The following UQCRC2 variants were observed in gnomAD, a reference collection of about 807,000 sequenced individuals.
UQCRC2 encodes the protein ubiquinol-cytochrome c reductase core protein 2.
In UQCRC2, 49 loss-of-function variants were observed where a neutral mutation model predicts 55.6. The ratio of observed to expected loss-of-function variants is 0.88; its 90% CI spans 0.70 to 1.12. UQCRC2 has a LOEUF of 1.12. Among genes scored for constraint, UQCRC2 ranks in the 50% most tolerant of loss-of-function variants. UQCRC2 has a pLI of 0.00. For synonymous variants in UQCRC2, 193 were observed against 192.0 expected (o/e 1.01, Z -0.04); for missense variants, 506 against 547.8 (o/e 0.92, Z 0.76).
chr16:21,983,273 C>A lies in UQCRC2; in HGVS notation c.*102C>A. ...TCTAATATATCATTTGTCTTTTTTCCAGTGAGGTAAAATAAGGCATAAATG... is the reference window on the plus strand; with the variant it reads ...TCTAATATATCATTTGTCTTTTTTCAAGTGAGGTAAAATAAGGCATAAATG... On this transcript the variant is annotated 3_prime_UTR_variant, in exon 14 of 14. Transcript: ENST00000268379. The A allele has an allele frequency of 9.4e-7, 1 of 1,060,052 alleles. No individual in the cohort carries two copies. Among genetic ancestry groups the A allele is most frequent in the Non-Finnish European group, 1.4e-6 (1 of 729,414 alleles). 65.7% of individuals were successfully genotyped at this position (1,060,052 alleles called of 1,614,324 possible). A position where few individuals can be genotyped will look rare whatever the true frequency, so the allele number is the denominator to read the frequency against.
intron 7 of UQCRC2, among the ~76,000 whole-genome samples, chr16:21,966,427 C>T (rs570151705): frequency 6.6e-6 from 1 of 151,496 alleles, no homozygotes; most frequent in Admixed American, 6.6e-5. Flanking sequence ...TAGATATGTG[C>T]GTATAATCTT....
rs989576306 is a variant in UQCRC2 at position 21,983,626 on chromosome 16, T to C, written c.*455T>C. 1 of 172,562 alleles carries C rather than the reference T, an allele frequency of 5.8e-6. No individual in the cohort carries two copies. The highest frequency in any genetic ancestry group is 1.2e-5 in the Non-Finnish European group (1 of 82,390). The allele number at this position is 172,562 out of a possible 1,614,324, so 10.7% of individuals were successfully genotyped here. A position where few individuals can be genotyped will look rare whatever the true frequency, so the allele number is the denominator to read the frequency against. On this transcript the variant is annotated 3_prime_UTR_variant, in exon 14 of 14. Coordinates refer to ENST00000268379, the MANE Select transcript of UQCRC2 (RefSeq NM_003366.4). ...TGTTTTGCCTTTTTTGCAATAAAAT[T>C]ATTTCCAAAAAACATACATTTCCTA...
At chr16:21,964,900 C>T (rs986981078) in intron 6 of UQCRC2, among the ~76,000 whole-genome samples, 1 of 152,198 alleles carries the variant, frequency 6.6e-6, no homozygotes, top group Non-Finnish European at 1.5e-5. Flanking sequence ...GGCAAAAAGG[C>T]ATTGAAGCAA....
At chr16:21,956,142 G>A (rs1167068154) in intron 1 of UQCRC2, among the ~76,000 whole-genome samples, 1 of 152,036 alleles carries the variant, frequency 6.6e-6, no homozygotes, top group East Asian at 1.9e-4. Context: ...CTTTTTTAAA[G>A]GTTACTAAGA....
chr16:21,961,334 G>A (rs1259388742), intron 4 of UQCRC2: 4 of 447,654 alleles, frequency 8.9e-6, no homozygotes, highest in Non-Finnish European at 1.8e-5. Flanking sequence ...TTAGGGAAAT[G>A]GGTAAAGTAT....
chr16:21,975,636 T>C (rs973134269), intron 11 of UQCRC2, among the ~76,000 whole-genome samples: 2 of 152,240 alleles, frequency 1.3e-5, no homozygotes, highest in African/African-American at 4.8e-5. Context: ...AGATTCCTTC[T>C]TGACCCTGGC....
intron 7 of UQCRC2, 116 bp downstream of exon 7, chr16:21,965,621 G>C (rs139604247): frequency 1.2e-6 from 1 of 853,662 alleles, no homozygotes; most frequent in South Asian, 2.6e-5. Flanking sequence ...GAAATTCAGC[G>C]TGCTAGCTTT....
intron 8 of UQCRC2, 52 bp downstream of exon 8, chr16:21,968,737 C>T: frequency 6.6e-7 from 1 of 1,515,962 alleles, no homozygotes; most frequent in Non-Finnish European, 8.9e-7. Context: ...AGAGCAGTTC[C>T]TTAAACTGTA....
At chr16:21,976,040 T>C (rs181785102) in intron 11 of UQCRC2, 127 bp from the exon 12 acceptor site, 1 of 615,902 alleles carries the variant, frequency 1.6e-6, no homozygotes, top group African/African-American at 1.9e-5. Flanking sequence ...GCATTCCGCA[T>C]GGACACTGTG....
intron 12 of UQCRC2, among the ~76,000 whole-genome samples, chr16:21,978,174 C>T (rs1898630481): frequency 6.6e-6 from 1 of 152,102 alleles, no homozygotes; most frequent in South Asian, 2.1e-4. Flanking sequence ...CTTGTAAGTT[C>T]TTCCTGTAGT....
At chr16:21,976,077 C>T in intron 11 of UQCRC2, 90 bp from the exon 12 acceptor site, 3 of 804,142 alleles carry the variant, frequency 3.7e-6, no homozygotes, top group Non-Finnish European at 6.4e-6. Context: ...AACCTTCCAT[C>T]TGTGTTTTTG....
At chr16:21,974,774 T>C (rs1226382995) in intron 11 of UQCRC2, among the ~76,000 whole-genome samples, 1 of 152,192 alleles carries the variant, frequency 6.6e-6, no homozygotes, top group Admixed American at 6.5e-5. Flanking sequence ...AAATTATAAA[T>C]GGCTCAAGTC....
intron 9 of UQCRC2, 140 bp from the exon 10 acceptor site, chr16:21,971,783 G>T: frequency 7.4e-7 from 1 of 1,343,274 alleles, no homozygotes; most frequent in Middle Eastern, 1.9e-4. Flanking sequence ...GTGTGTGTTT[G>T]GGGACAGGAT....
At chr16:21,958,144 A>G (rs954427461) in intron 3 of UQCRC2, among the ~76,000 whole-genome samples, 1 of 152,226 alleles carries the variant, frequency 6.6e-6, no homozygotes, top group African/African-American at 2.4e-5. Context: ...GAGAAACCAC[A>G]AGATATTTGC....
chr16:21,975,616 A>T (rs1439483104), intron 11 of UQCRC2, among the ~76,000 whole-genome samples: 3 of 152,206 alleles, frequency 2.0e-5, no homozygotes, highest in Non-Finnish European at 4.4e-5. Context: ...TAAATACCAT[A>T]CAAGGATTCA....
At chr16:21,965,782 C>T (rs1180309855) in intron 7 of UQCRC2, among the ~76,000 whole-genome samples, 1 of 152,072 alleles carries the variant, frequency 6.6e-6, no homozygotes, top group East Asian at 1.9e-4. Flanking sequence ...ATCTCACATA[C>T]CTAAAGGCAC....
In UQCRC2 at chr16:21,982,963, CAAAAAAAAAAA is replaced by C. The variant is rs1036084484; in HGVS notation, c.1279-115_1279-105del. 6.0e-5 allele frequency: 32 copies of C among 537,746 alleles called. 1 individual carries two copies. The highest frequency in any genetic ancestry group is 3.9e-4 in the Admixed American group (9 of 22,940). The allele number at this position is 537,746 out of a possible 1,614,324, so 33.3% of individuals were successfully genotyped here. On this transcript the variant is annotated intron_variant, in intron 13 of 13. Transcript: ENST00000268379. ...TGGGTGACAGAGCGAGACTCCACCT[CAAAAAAAAAAA>C]AAAAAAAAAGAATGTCCTATCCATA... is the stretch of plus-strand genomic sequence containing the variant.
In UQCRC2 at chr16:21,980,545, AG is replaced by A; in HGVS notation, c.1125del. 6.2e-7 allele frequency: 1 copy of A among 1,612,424 alleles called. No homozygotes were observed. ...AACTGACTTCTGCCTTTTATTGGAC[AG>A]GAACAAGCTGAAAGCTGGATACCTA... is the stretch of plus-strand genomic sequence containing the variant. On this transcript the variant is annotated splice_acceptor_variant, in intron 12 of 13. Coordinates refer to ENST00000268379, the MANE Select transcript of UQCRC2 (RefSeq NM_003366.4). LOFTEE classifies it high-confidence loss of function.
At chr16:21,956,304 G>C (rs578159994) in intron 1 of UQCRC2, among the ~76,000 whole-genome samples, 1 of 152,258 alleles carries the variant, frequency 6.6e-6, no homozygotes, top group African/African-American at 2.4e-5. Flanking sequence ...AGCACTTTGT[G>C]AGGCCGAGGC....
Sources: allele counts gnomAD v4.1 joint callset (sites outside exome capture counted in the v4.1 genomes callset), GRCh38; gene constraint gnomAD v4.1.1; transcripts MANE v1.5; gene names NCBI Gene and HGNC (gene_info 2026-07-23, HGNC 2026-07-21).